The following CNTNAP2 variants were observed in gnomAD, a reference collection of about 807,000 sequenced individuals.
CNTNAP2 encodes the protein contactin associated protein 2.
In CNTNAP2, 98 loss-of-function variants were observed where a neutral mutation model predicts 155.2. The ratio of observed to expected loss-of-function variants is 0.63; its 90% CI spans 0.54 to 0.75. The LOEUF (loss-of-function observed/expected upper bound fraction) is 0.75, where lower values mean the gene tolerates loss of function less well. Ranked by LOEUF, CNTNAP2 falls within the 30% of genes least tolerant of loss-of-function variation. The probability of loss-of-function intolerance (pLI) is 0.00; values close to 1 mark genes in which losing one functional copy is unlikely to be tolerated. For missense variants in CNTNAP2, 1,727 were observed against 1,688.1 expected, an observed-to-expected ratio of 1.02 and a Z score of -0.40; for synonymous variants, 651 against 631.2, an observed-to-expected ratio of 1.03 and a Z score of -0.47.
intron 19 of CNTNAP2, among the ~76,000 whole-genome samples, chr7:148,223,456 T>G (rs192450371): frequency 5.3e-5 from 8 of 152,302 alleles, no homozygotes; most frequent in African/African-American, 1.9e-4. Flanking sequence ...AAGCATGTTA[T>G]TTGCTGCATC....
At chr7:146,599,819 A>G (rs1399997895) in intron 1 of CNTNAP2, among the ~76,000 whole-genome samples, 1 of 141,186 alleles carries the variant, frequency 7.1e-6, no homozygotes, top group African/African-American at 2.8e-5. Context: ...GTTTGTGCTT[A>G]CAATGCCTAG....
intron 20 of CNTNAP2, among the ~76,000 whole-genome samples, chr7:148,233,732 G>A (rs760475360): frequency 2.3e-4 from 35 of 152,190 alleles, no homozygotes; most frequent in Non-Finnish European, 4.1e-4. Context: ...ACTTTATGAA[G>A]TATGTGCCAT....
At chr7:148,395,883 C>T (rs2116690069) in intron 22 of CNTNAP2, among the ~76,000 whole-genome samples, 1 of 152,216 alleles carries the variant, frequency 6.6e-6, no homozygotes, top group East Asian at 1.9e-4. Flanking sequence ...ATTGTTTTTT[C>T]CCCTGCCGCG....
intron 10 of CNTNAP2, among the ~76,000 whole-genome samples, chr7:147,437,834 A>G (rs180735545): frequency 6.6e-6 from 1 of 152,188 alleles, no homozygotes; most frequent in Admixed American, 6.5e-5. Context: ...AAAATTGAAT[A>G]CTTTCCATTT....
chr7:146,568,925 A>G (rs1798397960), intron 1 of CNTNAP2, among the ~76,000 whole-genome samples: 1 of 152,004 alleles, frequency 6.6e-6, no homozygotes, highest in South Asian at 2.1e-4. Context: ...GAGATTATCT[A>G]TGGGTGTCCC....
intron 1 of CNTNAP2, among the ~76,000 whole-genome samples, chr7:146,482,286 G>C (rs1227064916): frequency 6.6e-6 from 1 of 150,404 alleles, no homozygotes; most frequent in Non-Finnish European, 1.5e-5. Flanking sequence ...GGATAGTAAA[G>C]TGTTTGTGAA....
intron 15 of CNTNAP2, among the ~76,000 whole-genome samples, chr7:148,077,876 A>G (rs1803522373): frequency 6.6e-6 from 1 of 152,212 alleles, no homozygotes; most frequent in Admixed American, 6.5e-5. Flanking sequence ...CAAGCTTCTG[A>G]TGATTTATTC....
intron 21 of CNTNAP2, among the ~76,000 whole-genome samples, chr7:148,311,144 G>T (rs572925977): frequency 2.1e-4 from 31 of 148,282 alleles, no homozygotes; most frequent in African/African-American, 7.7e-4. Flanking sequence ...TAAGTGTGGA[G>T]GAGGGTGGCA....
chr7:146,597,941 T>C (rs1454026087), intron 1 of CNTNAP2, among the ~76,000 whole-genome samples: 4 of 152,104 alleles, frequency 2.6e-5, no homozygotes, highest in Non-Finnish European at 1.5e-5. Flanking sequence ...CTGTTTCTCC[T>C]CTGAAGAACA....
chr7:148,245,615 A>G (rs1262248678), intron 20 of CNTNAP2, among the ~76,000 whole-genome samples: 2 of 152,192 alleles, frequency 1.3e-5, no homozygotes, highest in Admixed American at 6.5e-5. Flanking sequence ...CTGGGATTTG[A>G]GCAAGATAGA....
intron 3 of CNTNAP2, among the ~76,000 whole-genome samples, chr7:146,889,937 A>G (rs1795742988): frequency 6.6e-6 from 1 of 152,082 alleles, no homozygotes; most frequent in African/African-American, 2.4e-5. Flanking sequence ...CCAGGCAGGC[A>G]TTTTCTTTCT....
chr7:147,302,988 C>T lies in CNTNAP2; in HGVS notation c.1498+2698C>T, dbSNP rs116636990. 9.0e-3 allele frequency among the ~76,000 whole-genome samples: 1,371 copies of T among 152,324 alleles called. 21 individuals are homozygous for T. The highest frequency in any genetic ancestry group is 0.031 in the African/African-American group (1,277 of 41,566). ...ATCAAATGTTCTCCCGAAGCAGCGA[C>T]GCTGAATGGTGGGATTCAGCTACAC... On this transcript the variant is annotated intron_variant, in intron 9 of 23. Coordinates refer to ENST00000361727, the MANE Select transcript of CNTNAP2 (RefSeq NM_014141.6).
intron 8 of CNTNAP2, among the ~76,000 whole-genome samples, chr7:147,233,167 GAACAAAATAACTC>G (rs1388623287): frequency 1.3e-5 from 2 of 152,132 alleles, no homozygotes; most frequent in African/African-American, 4.8e-5. Flanking sequence ...AGAAAATGGA[GAACAAAATAACTC>G]AGGATCCCAC....
intron 14 of CNTNAP2, among the ~76,000 whole-genome samples, chr7:147,952,833 T>C (rs1468816530): frequency 2.0e-5 from 3 of 152,226 alleles, no homozygotes; most frequent in African/African-American, 7.2e-5. Context: ...TACTTATTTT[T>C]TTTAATGCTG....
chr7:146,189,957 C>G (rs1167845747), intron 1 of CNTNAP2, among the ~76,000 whole-genome samples: 1 of 152,144 alleles, frequency 6.6e-6, no homozygotes, highest in Non-Finnish European at 1.5e-5. Context: ...CACATGATCC[C>G]ATAAATTACT....
intron 3 of CNTNAP2, among the ~76,000 whole-genome samples, chr7:147,028,021 A>C (rs1798955571): frequency 6.6e-6 from 1 of 152,200 alleles, no homozygotes; most frequent in Non-Finnish European, 1.5e-5. Context: ...TTAGGGCTGG[A>C]GATGTGGATA....
chr7:146,418,474 A>G (rs1016492294), intron 1 of CNTNAP2, among the ~76,000 whole-genome samples: 14 of 152,222 alleles, frequency 9.2e-5, no homozygotes, highest in African/African-American at 2.9e-4. Flanking sequence ...GGGAATTACT[A>G]TCAACTGTTG....
chr7:147,735,622 T>C (rs1166623711), intron 13 of CNTNAP2, among the ~76,000 whole-genome samples: 1 of 152,204 alleles, frequency 6.6e-6, no homozygotes, highest in Non-Finnish European at 1.5e-5. Flanking sequence ...GACAGTGGCG[T>C]GTTGAAGTCT....
chr7:148,293,892 A>G (rs1797235441), intron 21 of CNTNAP2, among the ~76,000 whole-genome samples: 1 of 151,914 alleles, frequency 6.6e-6, no homozygotes, highest in Non-Finnish European at 1.5e-5. Context: ...GAAATTAGCC[A>G]GTCATGGTGG....
Sources: gnomAD v4.1 joint callset for allele counts (sites outside exome capture counted in the v4.1 genomes callset) on GRCh38, gnomAD v4.1.1 for gene constraint, MANE v1.5 for transcripts, NCBI Gene and HGNC (gene_info 2026-07-23, HGNC 2026-07-21) for gene names.